FRY: variants seen among roughly 807,000 people sequenced by gnomAD.
FRY encodes the protein FRY microtubule binding protein, also known as protein furry homolog.
In FRY, 128 loss-of-function variants were observed where a neutral mutation model predicts 348.4. The ratio of observed to expected loss-of-function variants is 0.37; its 90% confidence interval spans 0.32 to 0.43. FRY has a LOEUF of 0.43. Among genes scored for constraint, FRY ranks in the 20% least tolerant of loss-of-function variants. The pLI is 1.00. For missense variants in FRY, 2,736 were observed against 3,695.2 expected, an observed-to-expected ratio of 0.74 and a Z score of 6.73; for synonymous variants, 1,370 against 1,374.7, an observed-to-expected ratio of 1.00 and a Z score of 0.08.
intron 2 of FRY, among the ~76,000 whole-genome samples, chr13:32,082,230 A>AAC (rs1170578406): frequency 6.6e-6 from 1 of 151,506 alleles, no homozygotes; most frequent in Non-Finnish European, 1.5e-5. Context: ...TTAAAAAAAA[A>AAC]AAAAAAAACA....
At chr13:32,163,193 G>C (rs7320780) in intron 17 of FRY, among the ~76,000 whole-genome samples, 4,937 of 152,266 alleles carry the variant, frequency 0.032, 100 homozygotes, top group African/African-American at 0.043. Flanking sequence ...ACCAGGAGAC[G>C]TGTATTTCCC....
chr13:32,192,605 G>T (rs1451845896), intron 28 of FRY, among the ~76,000 whole-genome samples: 1 of 152,082 alleles, frequency 6.6e-6, no homozygotes, highest in African/African-American at 2.4e-5. Context: ...TGACCATCCA[G>T]TTAGAATATC....
Position 32,179,731 on chromosome 13 carries a change from A to G in FRY, c.2928A>G (p.Arg976=). The change falls in exon 23 of 61, where the codon AGA becomes AGG. Residue 976 remains arginine (R), a synonymous_variant. Coordinates refer to ENST00000542859, the MANE Select transcript of FRY (RefSeq NM_023037.3). ...TAAAGCAGTTGGTGCCTTTGATGAG[A>G]CTAGAGAGCATTGAGATCACAGAGT... ...VLLKQLVPLM[R]LESIEITESL... The G allele has an allele frequency of 3.7e-6, 6 of 1,613,592 alleles. No individual in the cohort carries two copies. The highest frequency in any genetic ancestry group is 5.1e-6 in the Non-Finnish European group (6 of 1,179,484).
chr13:32,071,108 A>G (rs1026718194), intron 1 of FRY, among the ~76,000 whole-genome samples: 8 of 152,264 alleles, frequency 5.3e-5, no homozygotes, highest in Middle Eastern at 3.4e-3. Flanking sequence ...TGTTTTGGTT[A>G]CTGTAGCCTT....
intron 42 of FRY, among the ~76,000 whole-genome samples, chr13:32,235,403 C>T (rs903776900): frequency 5.3e-5 from 8 of 152,224 alleles, no homozygotes; most frequent in Admixed American, 2.0e-4. Flanking sequence ...GCGGGCAGAT[C>T]ACTTGAGGCC....
chr13:32,122,089 A>G (rs1878693963), intron 4 of FRY, among the ~76,000 whole-genome samples: 3 of 152,172 alleles, frequency 2.0e-5, no homozygotes, highest in Non-Finnish European at 2.9e-5. Context: ...AGTTAGCTGT[A>G]AACACCACAT....
rs960621125 is a variant in FRY, at chr13:32,228,539, A to T, written c.5290A>T (p.Ser1764Cys). The T allele has an allele frequency of 1.2e-6, 2 of 1,613,802 alleles. No homozygotes were observed. Reference protein sequence around the residue: ...LSSSSTSSSISLGGSSGNLPQ... With the variant: ...LSSSSTSSSICLGGSSGNLPQ... ...TTCAAGCTCCACCTCCTCTAGCATC[A>T]GTCTGGGAGGCAGCAGTGGAAACCT... Residue 1764 changes from serine to cysteine, a missense_variant, in exon 40 of 61, where the codon AGT (serine) becomes TGT (cysteine). Physicochemically the swap from Ser to Cys is moderately radical, Grantham distance 112. Around this residue, in one of 9 missense-constraint regions of FRY, gnomAD observed 794 missense variants for 977.0 expected, o/e 0.81. Transcript: ENST00000542859.
Position 32,247,395 on chromosome 13 carries a change from T to G in FRY, c.6901T>G (p.Ser2301Ala). 6.2e-7 allele frequency: 1 copy of G among 1,613,424 alleles called. No homozygotes were observed. The highest frequency in any genetic ancestry group is 1.3e-5 in the African/African-American group (1 of 75,056). ...VSRSASLVLP[S>A]YQHSDLSKIE... Reference sequence around the variant, plus strand: ...TCGGTCAGCCAGCCTTGTTTTACCTTCATACCAGCACAGTGACCTCTCAAA... The same window carrying G: ...TCGGTCAGCCAGCCTTGTTTTACCTGCATACCAGCACAGTGACCTCTCAAA... The change falls in exon 48 of 61, where the codon TCA becomes GCA. Residue 2301 changes from serine to alanine, a missense_variant. Physicochemically the swap from Ser to Ala is moderately conservative, Grantham distance 99 (BLOSUM62 1). Transcript: ENST00000542859.
chr13:32,272,531 G>A (rs557177095), intron 55 of FRY, among the ~76,000 whole-genome samples: 3 of 152,224 alleles, frequency 2.0e-5, no homozygotes, highest in East Asian at 1.9e-4. Flanking sequence ...GGTGGCACAC[G>A]CCTGTGATAC....
rs535421525 is a variant in FRY, at chr13:32,084,319, C to T, written c.270+5286C>T. Among the ~76,000 whole-genome samples, 7 of 152,260 alleles carry T rather than the reference C, an allele frequency of 4.6e-5. 1 individual carries two copies. Among genetic ancestry groups the T allele is most frequent in the East Asian group, 3.9e-4 (2 of 5,174 alleles). ...ACAACCCTGTCCATTACATTTCTTGCACAAAACTTTCATTTCATTCTTTTT... is the reference window on the plus strand; with the variant it reads ...ACAACCCTGTCCATTACATTTCTTGTACAAAACTTTCATTTCATTCTTTTT... On this transcript the variant is annotated intron_variant, in intron 2 of 60. Transcript: ENST00000542859.
At chr13:32,268,831 C>T (rs541433165) in intron 55 of FRY, among the ~76,000 whole-genome samples, 1 of 151,894 alleles carries the variant, frequency 6.6e-6, no homozygotes, top group African/African-American at 2.4e-5. Flanking sequence ...CCATGCCTGG[C>T]CAATTTCCTG....
At chr13:32,293,944 A>G (rs1377387735) in intron 59 of FRY, among the ~76,000 whole-genome samples, 2 of 152,194 alleles carry the variant, frequency 1.3e-5, no homozygotes, top group Non-Finnish European at 2.9e-5. Context: ...GATGGCTATT[A>G]TCTTCAGTCT....
chr13:32,181,967 G>T (rs553943183), intron 23 of FRY, among the ~76,000 whole-genome samples: 2 of 152,050 alleles, frequency 1.3e-5, no homozygotes, highest in African/African-American at 4.8e-5. Context: ...CCATTTCTTC[G>T]ATGAAGAAAT....
At chr13:32,274,022 G>A (rs980629987) in intron 55 of FRY, among the ~76,000 whole-genome samples, 1 of 152,046 alleles carries the variant, frequency 6.6e-6, no homozygotes, top group Non-Finnish European at 1.5e-5. Flanking sequence ...TCCAAAACCC[G>A]AAACCCTTCT....
chr13:32,142,407 A>G (rs1179775680), intron 11 of FRY, among the ~76,000 whole-genome samples: 1 of 152,194 alleles, frequency 6.6e-6, no homozygotes, highest in Admixed American at 6.5e-5. Context: ...AAAATAAAAT[A>G]CCTGCCCTGG....
intron 1 of FRY, 51 bp from the exon 2 acceptor site, chr13:32,078,783 A>G (rs1875276732): frequency 2.3e-6 from 3 of 1,294,230 alleles, no homozygotes; most frequent in East Asian, 4.6e-5. Flanking sequence ...GTCCATCTGA[A>G]TATTTATGAC....
intron 18 of FRY, among the ~76,000 whole-genome samples, chr13:32,172,736 C>T (rs1385522546): frequency 6.6e-6 from 1 of 152,194 alleles, no homozygotes; most frequent in East Asian, 1.9e-4. Flanking sequence ...TGACATTCAG[C>T]TCCTTCTCCC....
rs372351312 is a variant in FRY at position 32,168,380 on chromosome 13, T to C, written c.1893-2632T>C. Among the ~76,000 whole-genome samples the C allele has an allele frequency of 4.6e-5, 7 of 152,334 alleles. No individual in the cohort carries two copies. The East Asian group carries it at 1.2e-3, about 25-fold the overall frequency. ...CATGAGGGAGGGAAAACTGCTTTCCTCAAAGTCCACTGATTTAAATGTTAA... is the reference window on the plus strand; with the variant it reads ...CATGAGGGAGGGAAAACTGCTTTCCCCAAAGTCCACTGATTTAAATGTTAA... On this transcript the variant is annotated intron_variant, in intron 17 of 60. Coordinates refer to ENST00000542859, the MANE Select transcript of FRY (RefSeq NM_023037.3).
At chr13:32,248,783 T>G (rs970416115) in intron 48 of FRY, among the ~76,000 whole-genome samples, 5 of 152,200 alleles carry the variant, frequency 3.3e-5, no homozygotes, top group African/African-American at 1.2e-4. Context: ...GAAAAGCTAT[T>G]TTTTCTCTGC....
Sources: allele counts gnomAD v4.1 joint callset (sites outside exome capture counted in the v4.1 genomes callset), GRCh38; gene constraint gnomAD v4.1.1; regional missense constraint gnomAD v4.1.1; transcripts MANE v1.5; gene names NCBI Gene and HGNC (gene_info 2026-07-23, HGNC 2026-07-21).